PRKG1: variants seen among roughly 807,000 people sequenced by gnomAD.
The protein encoded by PRKG1 is protein kinase cGMP-dependent 1, also known as cGMP-dependent protein kinase 1.
A neutral mutation model predicts 88.1 loss-of-function variants in PRKG1; 35 were observed. That is an observed-to-expected ratio of 0.40 (90% CI 0.30 to 0.53). The LOEUF is 0.53. Among genes scored for constraint, PRKG1 ranks in the 20% least tolerant of loss-of-function variants. The probability of loss-of-function intolerance (pLI) is 0.59; values close to 1 mark genes in which losing one functional copy is unlikely to be tolerated. For synonymous variants in PRKG1, 303 were observed against 292.5 expected (o/e 1.04, Z -0.37); for missense variants, 540 against 839.8 (o/e 0.64, Z 4.41).
intron 8 of PRKG1, among the ~76,000 whole-genome samples, chr10:52,156,625 C>T (rs1396080564): frequency 6.6e-6 from 1 of 151,712 alleles, no homozygotes; most frequent in East Asian, 1.9e-4. Context: ...CATATATTCA[C>T]ATGATAGTTG....
rs370223766 is a variant in PRKG1 at position 52,293,880 on chromosome 10, G to A, written c.2041G>A (p.Gly681Arg). Reference protein sequence around the residue: ...NDEPPPDDNSGWDIDF With the variant: ...NDEPPPDDNSRWDIDF ...TGAACCACCACCTGATGACAACTCA[G>A]GATGGGATATAGACTTCTAATGTAT... is the stretch of plus-strand genomic sequence containing the variant. Residue 681 changes from glycine (G) to arginine (R), a missense_variant, in exon 18 of 18, where the codon GGA becomes AGA. Around this residue, in one of 5 missense-constraint regions of PRKG1, gnomAD observed 26 missense variants for 18.4 expected, o/e 1.41. Transcript: ENST00000373980. 3.1e-6 allele frequency: 5 copies of A among 1,611,512 alleles called. No individual in the cohort carries two copies. Among genetic ancestry groups the A allele is most frequent in the Middle Eastern group, 1.6e-4 (1 of 6,072 alleles).
At chr10:52,132,818 CA>C (rs1407072422) in intron 7 of PRKG1, among the ~76,000 whole-genome samples, 4 of 151,738 alleles carry the variant, frequency 2.6e-5, no homozygotes, top group African/African-American at 7.3e-5. Context: ...AGTAAGTGTA[CA>C]TTTTTATGTG....
At chr10:52,268,366 C>T (rs895442795) in intron 10 of PRKG1, among the ~76,000 whole-genome samples, 1 of 151,980 alleles carries the variant, frequency 6.6e-6, no homozygotes, top group African/African-American at 2.4e-5. Flanking sequence ...CATCTGCCAC[C>T]CACCAGTTCT....
At chr10:52,169,691 G>T (rs575525925) in intron 9 of PRKG1, among the ~76,000 whole-genome samples, 1 of 152,304 alleles carries the variant, frequency 6.6e-6, no homozygotes, top group East Asian at 1.9e-4. Context: ...ACAATGGAGT[G>T]GTGGGGATGG....
At chr10:51,990,159 G>A (rs1031971846) in intron 5 of PRKG1, among the ~76,000 whole-genome samples, 2 of 151,892 alleles carry the variant, frequency 1.3e-5, no homozygotes, top group Non-Finnish European at 2.9e-5. Context: ...TTATTTCTGG[G>A]CTTTCTGTAA....
rs116084231 is a variant in PRKG1, at chr10:51,753,719, A to G, written c.593-50866A>G. 3.4e-3 allele frequency among the ~76,000 whole-genome samples: 511 copies of G among 152,308 alleles called. 1 individual carries two copies. The highest frequency in any genetic ancestry group is 0.014 in the Middle Eastern group (4 of 294). On this transcript the variant is annotated intron_variant, in intron 3 of 17. Coordinates refer to ENST00000373980, the MANE Select transcript of PRKG1 (RefSeq NM_006258.4). ...TTCCAACTGCACATAGTCAACAAGT[A>G]TATTTTTTAGAATGTGCTGGCATAG... is the stretch of plus-strand genomic sequence containing the variant.
intron 2 of PRKG1, among the ~76,000 whole-genome samples, chr10:51,173,726 C>G (rs1423444792): frequency 2.6e-5 from 4 of 151,644 alleles, no homozygotes; most frequent in Non-Finnish European, 5.9e-5. Context: ...GTATTTCTTT[C>G]TAAAAAATAC....
chr10:52,178,386 A>AT (rs1221709477), intron 9 of PRKG1, among the ~76,000 whole-genome samples: 1 of 152,060 alleles, frequency 6.6e-6, no homozygotes, highest in African/African-American at 2.4e-5. Context: ...ATAATTTAAA[A>AT]TTTTTTAATA....
At chr10:51,505,803 G>T (rs1315965526) in intron 3 of PRKG1, among the ~76,000 whole-genome samples, 2 of 152,204 alleles carry the variant, frequency 1.3e-5, no homozygotes, top group Non-Finnish European at 1.5e-5. Flanking sequence ...ATTTCTGTGG[G>T]ATCGGTAGTG....
intron 3 of PRKG1, among the ~76,000 whole-genome samples, chr10:51,763,424 T>A (rs1838073459): frequency 6.6e-6 from 1 of 151,616 alleles, no homozygotes; most frequent in Non-Finnish European, 1.5e-5. Context: ...CACAGCTAAT[T>A]TAAAAAAAAT....
chr10:51,045,917 T>G (rs750641622), intron 1 of PRKG1, among the ~76,000 whole-genome samples: 2 of 152,204 alleles, frequency 1.3e-5, no homozygotes, highest in African/African-American at 4.8e-5. Flanking sequence ...TTCTTCACAT[T>G]TAAGGCTAGA....
chr10:51,095,785 A>G (rs1844513789), intron 1 of PRKG1, among the ~76,000 whole-genome samples: 1 of 152,150 alleles, frequency 6.6e-6, no homozygotes, highest in Non-Finnish European at 1.5e-5. Context: ...TTGTAAGAAT[A>G]AATTTTTGTA....
At position 52,148,957 on chromosome 10, in the gene PRKG1, C is replaced by CTTTTTTTTTTTTTT. The variant is rs71904885; in HGVS notation, c.1002-12919_1002-12906dup. Among the ~76,000 whole-genome samples, 43 of 55,162 alleles carry CTTTTTTTTTTTTTT rather than the reference C, an allele frequency of 7.8e-4. 4 individuals carry two copies. The highest frequency in any genetic ancestry group is 2.6e-3 in the African/African-American group (35 of 13,340). 36.2% of individuals were successfully genotyped at this position (55,162 alleles called of 152,430 possible). A position where few individuals can be genotyped will look rare whatever the true frequency, so the allele number is the denominator to read the frequency against. On this transcript the variant is annotated intron_variant, in intron 8 of 17. Transcript: ENST00000373980. ...TATTTGACCACAGAGGATAGTTTTG[C>CTTTTTTTTTTTTTT]TTTTTTTTTTTTTTTTTTTTTTTTT...
At chr10:51,520,247 A>G (rs927648125) in intron 3 of PRKG1, among the ~76,000 whole-genome samples, 4 of 145,266 alleles carry the variant, frequency 2.8e-5, no homozygotes, top group Admixed American at 1.4e-4. Flanking sequence ...ATATACATAT[A>G]TGGATATACA....
intron 1 of PRKG1, among the ~76,000 whole-genome samples, chr10:51,055,909 T>A (rs1249399096): frequency 6.6e-6 from 1 of 152,174 alleles, no homozygotes; most frequent in Non-Finnish European, 1.5e-5. Context: ...TTCCTCCTTT[T>A]CTTTCCTCTT....
intron 3 of PRKG1, among the ~76,000 whole-genome samples, chr10:51,605,826 A>G (rs1838749537): frequency 6.6e-6 from 1 of 152,194 alleles, no homozygotes; most frequent in Non-Finnish European, 1.5e-5. Flanking sequence ...ACTTGGTCTT[A>G]ATGTTAGAGG....
intron 5 of PRKG1, among the ~76,000 whole-genome samples, chr10:51,962,980 A>C (rs2133074817): frequency 6.6e-6 from 1 of 152,292 alleles, no homozygotes; most frequent in African/African-American, 2.4e-5. Flanking sequence ...TTCTAGTTTG[A>C]GTTTATCAAG....
At chr10:51,522,968 A>G (rs372766497) in intron 3 of PRKG1, among the ~76,000 whole-genome samples, 25 of 152,352 alleles carry the variant, frequency 1.6e-4, no homozygotes, top group African/African-American at 5.5e-4. Flanking sequence ...AAGTGATCCT[A>G]TCCTTTATTG....
At chr10:51,072,461 T>A (rs1843845804), upstream of PRKG1, among the ~76,000 whole-genome samples, 1 of 152,144 alleles carries the variant, frequency 6.6e-6, no homozygotes, top group African/African-American at 2.4e-5. Flanking sequence ...TCATGGAAGC[T>A]TTTTTAGAAT....
Sources: allele counts gnomAD v4.1 joint callset (sites outside exome capture counted in the v4.1 genomes callset), GRCh38; gene constraint gnomAD v4.1.1; regional missense constraint gnomAD v4.1.1; transcripts MANE v1.5; gene names NCBI Gene and HGNC (gene_info 2026-07-23, HGNC 2026-07-21).